RELN: variants seen among roughly 807,000 people sequenced by gnomAD.
RELN encodes the protein reelin.
Under a neutral mutation model 427.6 loss-of-function variants are expected in RELN, and 108 were observed. That is an observed-to-expected ratio of 0.25 (90% confidence interval 0.22 to 0.30). The LOEUF (loss-of-function observed/expected upper bound fraction) is 0.30. RELN is among the 10% of genes least tolerant of loss of function. RELN has a pLI of 1.00. For missense variants in RELN, 3,715 were observed against 4,302.8 expected, an observed-to-expected ratio of 0.86 and a Z score of 3.82; for synonymous variants, 1,524 against 1,513.4, an observed-to-expected ratio of 1.01 and a Z score of -0.16.
At chr7:103,847,516 G>A (rs1376499433) in intron 2 of RELN, among the ~76,000 whole-genome samples, 1 of 152,110 alleles carries the variant, frequency 6.6e-6, no homozygotes, top group Non-Finnish European at 1.5e-5. Flanking sequence ...GTACACCTAT[G>A]TAACAAACCT....
At chr7:103,526,420 A>G (rs558266692) in intron 46 of RELN, among the ~76,000 whole-genome samples, 12 of 152,338 alleles carry the variant, frequency 7.9e-5, no homozygotes, top group East Asian at 7.7e-4. Flanking sequence ...AGTAGGTTCT[A>G]TGTCCACGGT....
At chr7:103,923,117 T>C (rs1186330408) in intron 1 of RELN, among the ~76,000 whole-genome samples, 1 of 152,202 alleles carries the variant, frequency 6.6e-6, no homozygotes, top group Non-Finnish European at 1.5e-5. Context: ...GCATTTTGCC[T>C]TATGAAGAGA....
chr7:103,828,275 T>C (rs942363691), intron 3 of RELN, among the ~76,000 whole-genome samples: 13 of 152,018 alleles, frequency 8.6e-5, no homozygotes, highest in Non-Finnish European at 5.9e-5. Context: ...GTTCAGAAAC[T>C]GCTAGTGTCT....
rs138042972 is a variant in RELN, at chr7:103,820,891, C to T, written c.473+12646G>A. On this transcript the variant is annotated intron_variant, in intron 3 of 64. Coordinates refer to ENST00000428762, the MANE Select transcript of RELN (RefSeq NM_005045.4). Reference sequence around the variant, plus strand: ...ATACACACACACATGCACACAGACACACACGTTTAATTTTGAGAGAAAAAC... The same window carrying T: ...ATACACACACACATGCACACAGACATACACGTTTAATTTTGAGAGAAAAAC... 7.7e-4 allele frequency among the ~76,000 whole-genome samples: 117 copies of T among 152,132 alleles called. No homozygotes were observed. The East Asian group carries it at 0.018, about 23-fold the overall frequency.
chr7:103,596,004 C>A (rs1161638154), intron 25 of RELN, among the ~76,000 whole-genome samples: 1 of 152,096 alleles, frequency 6.6e-6, no homozygotes, highest in East Asian at 1.9e-4. Context: ...AAAATCTGAG[C>A]TCTATACACT....
intron 32 of RELN, 46 bp from the exon 33 acceptor site, chr7:103,566,458 G>C (rs1334994653): frequency 6.3e-7 from 1 of 1,592,384 alleles, no homozygotes; most frequent in Admixed American, 1.7e-5. Flanking sequence ...TTGTTACATA[G>C]CAATATGAAT....
chr7:103,870,655 A>G (rs565792748), intron 2 of RELN, among the ~76,000 whole-genome samples: 2 of 152,146 alleles, frequency 1.3e-5, no homozygotes, highest in East Asian at 3.9e-4. Context: ...TTTTCAAGGT[A>G]CTAACCTAAT....
chr7:103,686,896 A>T (rs1285895438), intron 10 of RELN, among the ~76,000 whole-genome samples: 2 of 152,200 alleles, frequency 1.3e-5, no homozygotes, highest in African/African-American at 2.4e-5. Context: ...TTCAATTTCT[A>T]AGAATTTAAT....
At chr7:103,689,073 A>C (rs1029832538) in intron 10 of RELN, among the ~76,000 whole-genome samples, 2 of 152,092 alleles carry the variant, frequency 1.3e-5, no homozygotes, top group African/African-American at 4.8e-5. Context: ...AATTTAACAA[A>C]TTACTTTTTT....
intron 2 of RELN, among the ~76,000 whole-genome samples, chr7:103,869,314 T>G (rs1275306137): frequency 6.6e-6 from 1 of 152,112 alleles, no homozygotes; most frequent in Non-Finnish European, 1.5e-5. Flanking sequence ...ATACTTAATA[T>G]TCACCCATTT....
chr7:103,719,209 T>C (rs147945914), intron 8 of RELN, among the ~76,000 whole-genome samples: 1 of 152,292 alleles, frequency 6.6e-6, no homozygotes, highest in African/African-American at 2.4e-5. Context: ...TATCTGACAT[T>C]GCTCATAGCT....
intron 2 of RELN, among the ~76,000 whole-genome samples, chr7:103,855,888 A>T (rs1053431708): frequency 2.6e-5 from 4 of 152,134 alleles, no homozygotes; most frequent in Non-Finnish European, 5.9e-5. Context: ...TCACTTAACT[A>T]ATTATATCTG....
At chr7:103,755,391 G>T (rs996523248) in intron 4 of RELN, among the ~76,000 whole-genome samples, 6 of 152,042 alleles carry the variant, frequency 3.9e-5, no homozygotes, top group Non-Finnish European at 8.8e-5. Context: ...GGCCGATCAC[G>T]AGGTCAGGAG....
intron 49 of RELN, among the ~76,000 whole-genome samples, chr7:103,517,322 C>A (rs1829591668): frequency 6.6e-6 from 1 of 152,064 alleles, no homozygotes; most frequent in South Asian, 2.1e-4. Flanking sequence ...GATCTTTTAT[C>A]TCTATTTTTT....
In RELN at chr7:103,520,319, T is replaced by C. The variant is rs112260894; in HGVS notation, c.7669-803A>G. 6.2e-3 allele frequency among the ~76,000 whole-genome samples: 938 copies of C among 152,268 alleles called. 5 individuals are homozygous for C. The highest frequency in any genetic ancestry group is 9.8e-3 in the Non-Finnish European group (669 of 68,016). On this transcript the variant is annotated intron_variant, in intron 48 of 64. Transcript: ENST00000428762. Reference sequence around the variant, plus strand: ...TATTATTTAATTTTTTGAGACAGTCTGGCTGGAGTGCAGTGGTGCAGTCTC... The same window carrying C: ...TATTATTTAATTTTTTGAGACAGTCCGGCTGGAGTGCAGTGGTGCAGTCTC...
chr7:103,964,287 T>C (rs1182666370), intron 1 of RELN, among the ~76,000 whole-genome samples: 1 of 152,210 alleles, frequency 6.6e-6, no homozygotes, highest in Non-Finnish European at 1.5e-5. Flanking sequence ...AAGTCATTCC[T>C]TTTGTGATCA....
intron 40 of RELN, 26 bp downstream of exon 40, chr7:103,553,435 A>T (rs1232840677): frequency 1.3e-6 from 2 of 1,543,710 alleles, no homozygotes; most frequent in Non-Finnish European, 1.8e-6. Flanking sequence ...AATTTAAAGC[A>T]TTTATTATAG....
rs570227269 is a variant in RELN at position 103,858,613 on chromosome 7, TA to T, written c.338-24942del. ...AACATCATTAAAACAATATGGCATA[TA>T]ATACTTAGCTTATTTACATGAGCCT... On this transcript the variant is annotated intron_variant, in intron 2 of 64. Transcript: ENST00000428762. 3.6e-3 allele frequency among the ~76,000 whole-genome samples: 548 copies of T among 152,290 alleles called. 4 individuals carry two copies. Among genetic ancestry groups the T allele is most frequent in the Middle Eastern group, 0.017 (5 of 294 alleles).
intron 11 of RELN, among the ~76,000 whole-genome samples, chr7:103,674,179 G>A (rs1437515486): frequency 1.3e-5 from 2 of 149,294 alleles, no homozygotes; most frequent in Non-Finnish European, 2.9e-5. Context: ...CTGATATTCA[G>A]GAAAAAAATC....
Sources: allele counts gnomAD v4.1 joint callset (sites outside exome capture counted in the v4.1 genomes callset), GRCh38; gene constraint gnomAD v4.1.1; transcripts MANE v1.5; gene names NCBI Gene and HGNC (gene_info 2026-07-23, HGNC 2026-07-21).